The following C16orf89 variants were observed in gnomAD, a reference collection of about 807,000 sequenced individuals.
The protein encoded by C16orf89 is chromosome 16 open reading frame 89.
Under a neutral mutation model 41.5 loss-of-function variants are expected in C16orf89, and 57 were observed. That is an observed-to-expected ratio of 1.38 (90% CI 1.11 to 1.71). The LOEUF (loss-of-function observed/expected upper bound fraction) is 1.71. Ranked by LOEUF, C16orf89 falls within the 40% of genes most tolerant of loss-of-function variation. The pLI is 0.00. For synonymous variants in C16orf89, 223 were observed against 190.6 expected (o/e 1.17, Z -1.40); for missense variants, 575 against 445.9 (o/e 1.29, Z -2.61).
chr16:5,055,563 T>C (rs1056035098), intron 5 of C16orf89: 1 of 1,136,098 alleles, frequency 8.8e-7, no homozygotes, highest in Non-Finnish European at 1.2e-6. Context: ...CTGAGGGCCT[T>C]GGTCAGGGCT....
At position 5,044,354 on chromosome 16, in the gene C16orf89, G is replaced by A; in HGVS notation, c.1080C>T (p.Ser360=). The A allele has an allele frequency of 6.2e-7, 1 of 1,604,208 alleles. No individual in the cohort carries two copies. The highest frequency in any genetic ancestry group is 8.5e-7 in the Non-Finnish European group (1 of 1,176,018). The stretch of plus-strand genomic sequence containing the variant: ...TGGCATGGAACCGTCCGTCTCAGCG[G>A]CTGCTTGGTGGTGGCGGTGTGGATG... ...PHPSTPPPPS[S]R is the part of the protein sequence containing the mutation. Residue 360 remains serine, a synonymous_variant, in exon 8 of 8, where the codon AGC becomes AGT. Transcript: ENST00000472572.
chr16:5,051,125 T>C (rs1956387233), intron 6 of C16orf89, among the ~76,000 whole-genome samples: 1 of 152,202 alleles, frequency 6.6e-6, no homozygotes, highest in Admixed American at 6.5e-5. Context: ...TGAAAGCTTT[T>C]CCTGTAAGAA....
intron 6 of C16orf89, among the ~76,000 whole-genome samples, chr16:5,053,881 A>C (rs1956441569): frequency 2.0e-5 from 3 of 152,228 alleles, no homozygotes; most frequent in Admixed American, 2.0e-4. Context: ...GAATGTTCCC[A>C]ACACAAAGAA....
At chr16:5,062,307 G>T in intron 2 of C16orf89, 118 bp downstream of exon 2, 1 of 1,278,348 alleles carries the variant, frequency 7.8e-7, no homozygotes, top group Non-Finnish European at 1.0e-6. Context: ...ACAGGTCCAA[G>T]TTGGTTACGG....
At chr16:5,061,735 G>A (rs932342109) in intron 2 of C16orf89, among the ~76,000 whole-genome samples, 8 of 152,126 alleles carry the variant, frequency 5.3e-5, no homozygotes, top group Admixed American at 4.6e-4. Context: ...CTGGACTGCC[G>A]TGTGAGCATG....
intron 1 of C16orf89, among the ~76,000 whole-genome samples, chr16:5,063,983 CG>C (rs1410011138): frequency 2.0e-5 from 3 of 151,936 alleles, no homozygotes; most frequent in African/African-American, 4.8e-5. Context: ...AAAAATTAGC[CG>C]GGCGTGGTGG....
intron 6 of C16orf89, among the ~76,000 whole-genome samples, chr16:5,052,668 C>G (rs963600691): frequency 1.3e-5 from 2 of 151,768 alleles, no homozygotes; most frequent in African/African-American, 4.8e-5. Flanking sequence ...AACTCTTACA[C>G]ACAGTTGATG....
intron 3 of C16orf89, 56 bp downstream of exon 3, chr16:5,060,230 C>T (rs1393356107): frequency 1.2e-5 from 18 of 1,541,080 alleles, no homozygotes; most frequent in Non-Finnish European, 1.6e-5. Context: ...GGGACAGGAC[C>T]AGCTGAGAAC....
intron 7 of C16orf89, among the ~76,000 whole-genome samples, chr16:5,045,669 C>G (rs958340580): frequency 6.6e-6 from 1 of 152,146 alleles, no homozygotes; most frequent in African/African-American, 2.4e-5. Context: ...CAGTTGTTAG[C>G]CCCCAACAGT....
At chr16:5,064,060 G>T (rs928980602) in intron 1 of C16orf89, among the ~76,000 whole-genome samples, 3 of 152,114 alleles carry the variant, frequency 2.0e-5, no homozygotes, top group Admixed American at 1.3e-4. Flanking sequence ...TGGAGGTGGA[G>T]GTTGCAGTGA....
chr16:5,058,700 C>G, intron 3 of C16orf89, 90 bp from the exon 4 acceptor site: 3 of 996,262 alleles, frequency 3.0e-6, no homozygotes, highest in African/African-American at 1.6e-5. Context: ...GTTGGAACTC[C>G]CAGTAGATTC....
intron 4 of C16orf89, 55 bp from the exon 5 acceptor site, chr16:5,056,243 A>G (rs918263769): frequency 6.6e-7 from 1 of 1,504,162 alleles, no homozygotes; most frequent in Non-Finnish European, 9.1e-7. Flanking sequence ...TGACAGACAC[A>G]CGCCCTGCTA....
intron 6 of C16orf89, among the ~76,000 whole-genome samples, chr16:5,052,295 A>G (rs560871332): frequency 6.6e-6 from 1 of 151,818 alleles, no homozygotes; most frequent in Non-Finnish European, 1.5e-5. Context: ...TACTATCAAA[A>G]AGACAAAAAA....
At position 5,057,962 on chromosome 16, in the gene C16orf89, C is replaced by T. The variant is rs771314088; in HGVS notation, c.627+531G>A. ...AAAGCTATCTGTTTCACTGGCCTAA[C>T]AGAATCCCAAATGCCAGATCCCAAA... On this transcript the variant is annotated intron_variant, in intron 4 of 7. Coordinates refer to ENST00000472572, the MANE Select transcript of C16orf89 (RefSeq NM_001098514.3). 2.3e-4 allele frequency among the ~76,000 whole-genome samples: 35 copies of T among 152,088 alleles called. 1 individual carries two copies. The highest frequency in any genetic ancestry group is 4.6e-4 in the Non-Finnish European group (31 of 68,042).
At position 5,055,280 on chromosome 16, in the gene C16orf89, C is replaced by T. The variant is rs767491524; in HGVS notation, c.834G>A (p.Trp278Ter). The T allele has an allele frequency of 6.2e-7, 1 of 1,613,320 alleles. No individual in the cohort carries two copies. Among genetic ancestry groups the T allele is most frequent in the South Asian group, 1.1e-5 (1 of 90,950 alleles). The stretch of plus-strand genomic sequence containing the variant: ...CGAAGCATCCTTCCTGCTGTTTCTG[C>T]CAGCTGAGAATGGCCTCCAGCCACC... ...KLRWLEAILS[W>*]QKQQEGCFGE... is the part of the protein sequence containing the mutation. Residue 278 changes from tryptophan to a stop codon, truncating the protein, a stop_gained, in exon 6 of 8, where the codon TGG (tryptophan) becomes TGA (stop). Transcript: ENST00000472572. LOFTEE classifies it high-confidence loss of function.
intron 6 of C16orf89, among the ~76,000 whole-genome samples, chr16:5,053,520 T>A (rs536478044): frequency 6.6e-6 from 1 of 151,062 alleles, no homozygotes; most frequent in Non-Finnish European, 1.5e-5. Flanking sequence ...ATAGGGTGAT[T>A]GCAAATAACA....
chr16:5,062,414 C>T lies in C16orf89; in HGVS notation c.358+11G>A, dbSNP rs1430021601. On this transcript the variant is annotated intron_variant, in intron 2 of 7. Transcript: ENST00000472572. ...ATTCCTGAGGGAATGGGACACCCTGCGTGTGCTCACCTCTTAGGTACTTGG... is the reference window on the plus strand; with the variant it reads ...ATTCCTGAGGGAATGGGACACCCTGTGTGTGCTCACCTCTTAGGTACTTGG... The T allele has an allele frequency of 7.5e-6, 12 of 1,606,418 alleles. No individual in the cohort carries two copies. The highest frequency in any genetic ancestry group is 2.2e-5 in the South Asian group (2 of 90,108).
In C16orf89 at chr16:5,065,721, A is replaced by G. The variant is rs770342135; in HGVS notation, c.188T>C (p.Val63Ala). The change falls in exon 1 of 8, where the codon GTG (valine) becomes GCG (alanine). Residue 63 changes from valine (V) to alanine (A), a missense_variant. By Grantham distance (64) the Val-to-Ala change is moderately conservative. Transcript: ENST00000472572. Reference sequence around the variant, plus strand: ...CTCACCTTCCAGCACTCGGACCCCCACCATGCCATCCAGGTTGATTTCAGG... The same window carrying G: ...CTCACCTTCCAGCACTCGGACCCCCGCCATGCCATCCAGGTTGATTTCAGG... The part of the protein sequence containing the change: ...RLPEINLDGM[V>A]GVRVLEEQLK... 6.2e-7 allele frequency: 1 copy of G among 1,613,766 alleles called. No homozygotes were observed. Among genetic ancestry groups the G allele is most frequent in the Non-Finnish European group, 8.5e-7 (1 of 1,179,678 alleles).
intron 7 of C16orf89, 128 bp downstream of exon 7, chr16:5,047,749 GC>G: frequency 1.5e-6 from 1 of 672,534 alleles, no homozygotes. Context: ...CAACATGAAG[GC>G]CCTCTGATTA....
Sources: gnomAD v4.1 joint callset for allele counts (sites outside exome capture counted in the v4.1 genomes callset) on GRCh38, gnomAD v4.1.1 for gene constraint, MANE v1.5 for transcripts, NCBI Gene and HGNC (gene_info 2026-07-23, HGNC 2026-07-21) for gene names.